TMTC2: variants seen among roughly 807,000 people sequenced by gnomAD.
TMTC2 encodes transmembrane O-mannosyltransferase targeting cadherins 2, also known as protein O-mannosyl-transferase TMTC2.
TMTC2 carries 43 observed loss-of-function variants against 82.4 expected under a neutral mutation model. The observed-to-expected ratio is 0.52, with a 90% CI of 0.41 to 0.67. The LOEUF (loss-of-function observed/expected upper bound fraction) is 0.67, where lower values mean the gene tolerates loss of function less well. Among genes scored for constraint, TMTC2 ranks in the 30% least tolerant of loss-of-function variants. The probability of loss-of-function intolerance (pLI) is 0.00; values close to 1 mark genes in which losing one functional copy is unlikely to be tolerated. For synonymous variants in TMTC2, 408 were observed against 381.9 expected (o/e 1.07, Z -0.80); for missense variants, 919 against 1,012.4 (o/e 0.91, Z 1.25).
At chr12:82,792,207 C>T (rs900927672) in intron 1 of TMTC2, among the ~76,000 whole-genome samples, 9 of 151,930 alleles carry the variant, frequency 5.9e-5, no homozygotes, top group South Asian at 2.1e-4. Context: ...TTATCAAGAC[C>T]GAAAACAAAA....
At chr12:82,966,825 G>T in intron 6 of TMTC2, 94 bp from the exon 7 acceptor site, 2 of 897,164 alleles carry the variant, frequency 2.2e-6, no homozygotes, top group Non-Finnish European at 3.4e-6. Flanking sequence ...GCAGTGGATG[G>T]TTTTAACTTT....
chr12:82,869,828 G>A (rs941575989), intron 2 of TMTC2, among the ~76,000 whole-genome samples: 5 of 149,636 alleles, frequency 3.3e-5, no homozygotes, highest in Admixed American at 1.3e-4. Context: ...TACAGAGTGA[G>A]ACCCTGTCTC....
At chr12:82,958,354 C>CAAAAAAAAAAAAAAAAA (rs750819932) in intron 4 of TMTC2, among the ~76,000 whole-genome samples, 4 of 19,954 alleles carry the variant, frequency 2.0e-4, no homozygotes, top group East Asian at 1.3e-3. Context: ...GAGTCTGTCT[C>CAAAAAAAAAAAAAAAAA]AAAAAAAAAA....
chr12:82,964,287 G>T (rs12304509), intron 4 of TMTC2, among the ~76,000 whole-genome samples: 11,078 of 151,936 alleles, frequency 0.073, 1,362 homozygotes, highest in African/African-American at 0.25. Flanking sequence ...GATTTCATTC[G>T]GTCATGAGGG....
At chr12:82,789,244 T>C (rs569622572) in intron 1 of TMTC2, among the ~76,000 whole-genome samples, 1 of 152,216 alleles carries the variant, frequency 6.6e-6, no homozygotes, top group South Asian at 2.1e-4. Flanking sequence ...GGTGGAGCTT[T>C]GCCAAGCAAT....
chr12:82,895,687 G>A lies in TMTC2; in HGVS notation c.655-131G>A. ...GTGCTTGAAAGGTGATGGACATGAA[G>A]TCATGTTTTGGAGACATCATGCTGT... On this transcript the variant is annotated intron_variant, in intron 2 of 11. Coordinates refer to ENST00000321196, the MANE Select transcript of TMTC2 (RefSeq NM_152588.3). 3 of 764,768 alleles carry A rather than the reference G, an allele frequency of 3.9e-6. 1 individual carries two copies. 47.4% of individuals were successfully genotyped at this position (764,768 alleles called of 1,614,324 possible).
chr12:83,127,006 G>A (rs1223363832), intron 11 of TMTC2, among the ~76,000 whole-genome samples: 1 of 151,922 alleles, frequency 6.6e-6, no homozygotes, highest in African/African-American at 2.4e-5. Context: ...AAGTTCAATT[G>A]GGCAAGCAAT....
chr12:82,850,989 G>A (rs943362226), intron 1 of TMTC2, among the ~76,000 whole-genome samples: 8 of 151,184 alleles, frequency 5.3e-5, no homozygotes, highest in Non-Finnish European at 8.8e-5. Flanking sequence ...ACTTGAACCC[G>A]GGAGGCAGAG....
intron 1 of TMTC2, among the ~76,000 whole-genome samples, chr12:82,705,654 T>C (rs1873319177): frequency 6.6e-6 from 1 of 152,144 alleles, no homozygotes; most frequent in African/African-American, 2.4e-5. Flanking sequence ...GATTTAAGAG[T>C]GTTAAGTCAT....
intron 1 of TMTC2, among the ~76,000 whole-genome samples, chr12:82,830,623 G>T (rs1869697951): frequency 6.6e-6 from 1 of 151,986 alleles, no homozygotes; most frequent in Admixed American, 6.6e-5. Flanking sequence ...TCTGTTTAGT[G>T]TATTTGGAAG....
chr12:82,826,758 C>G (rs1039125277), intron 1 of TMTC2, among the ~76,000 whole-genome samples: 1 of 152,130 alleles, frequency 6.6e-6, no homozygotes, highest in African/African-American at 2.4e-5. Flanking sequence ...GAGTATGTAG[C>G]AGTCACTCTT....
At chr12:83,119,444 G>C (rs1419327526) in intron 11 of TMTC2, among the ~76,000 whole-genome samples, 1 of 152,066 alleles carries the variant, frequency 6.6e-6, no homozygotes, top group Non-Finnish European at 1.5e-5. Context: ...CCGTGTATTT[G>C]CATGGTTCTG....
At chr12:82,844,229 G>A (rs1190271027) in intron 1 of TMTC2, among the ~76,000 whole-genome samples, 2 of 152,152 alleles carry the variant, frequency 1.3e-5, no homozygotes, top group African/African-American at 4.8e-5. Flanking sequence ...GACCCCACAG[G>A]ATGTGAATTT....
chr12:82,772,104 G>A (rs1231008692), intron 1 of TMTC2, among the ~76,000 whole-genome samples: 1 of 152,132 alleles, frequency 6.6e-6, no homozygotes, highest in Non-Finnish European at 1.5e-5. Flanking sequence ...TGCTGCATTT[G>A]TTGTTTAACT....
At chr12:82,983,595 T>C (rs1480131617) in intron 7 of TMTC2, among the ~76,000 whole-genome samples, 1 of 152,070 alleles carries the variant, frequency 6.6e-6, no homozygotes, top group Admixed American at 6.6e-5. Context: ...TCACACTCTT[T>C]TTCTGTACAG....
At chr12:82,832,432 C>G (rs1869803298) in intron 1 of TMTC2, among the ~76,000 whole-genome samples, 1 of 151,518 alleles carries the variant, frequency 6.6e-6, no homozygotes, top group Non-Finnish European at 1.5e-5. Context: ...CATTTTCAGA[C>G]TGAATAAATA....
At chr12:82,965,935 A>C in intron 6 of TMTC2, 191 bp downstream of exon 6, 1 of 595,704 alleles carries the variant, frequency 1.7e-6, no homozygotes, top group Non-Finnish European at 2.9e-6. Flanking sequence ...TTGTTTAGAA[A>C]AAGCTTCTGC....
intron 9 of TMTC2, among the ~76,000 whole-genome samples, chr12:83,046,435 A>G (rs763733699): frequency 2.0e-5 from 3 of 152,106 alleles, no homozygotes; most frequent in Non-Finnish European, 1.5e-5. Flanking sequence ...CTTGCTCTCT[A>G]TTTTAGTTCA....
At chr12:83,095,594 G>A (rs1057269691) in intron 11 of TMTC2, among the ~76,000 whole-genome samples, 3 of 152,050 alleles carry the variant, frequency 2.0e-5, no homozygotes, top group African/African-American at 4.8e-5. Context: ...ATCCCGAGAC[G>A]GGGAAAGACT....
Sources: allele counts gnomAD v4.1 joint callset (sites outside exome capture counted in the v4.1 genomes callset), GRCh38; gene constraint gnomAD v4.1.1; transcripts MANE v1.5; gene names NCBI Gene and HGNC (gene_info 2026-07-23, HGNC 2026-07-21).